Variants in CDC14B observed in about 807,000 individuals in gnomAD.
The protein encoded by CDC14B is dual specificity protein phosphatase CDC14B.
CDC14B carries 22 observed loss-of-function variants against 64.2 expected under a neutral mutation model. The ratio of observed to expected loss-of-function variants is 0.34; its 90% CI spans 0.24 to 0.49. The LOEUF (loss-of-function observed/expected upper bound fraction) is 0.49, where lower values mean the gene tolerates loss of function less well. Among genes scored for constraint, CDC14B ranks in the 20% least tolerant of loss-of-function variants. CDC14B has a pLI of 0.99. For synonymous variants in CDC14B, 191 were observed against 215.8 expected (o/e 0.89, Z 1.01); for missense variants, 498 against 629.9 (o/e 0.79, Z 2.24).
chr9:96,587,505 T>C lies in CDC14B; in HGVS notation c.161-22022A>G, dbSNP rs16911339. Among the ~76,000 whole-genome samples, 1,467 of 152,330 alleles carry C rather than the reference T, an allele frequency of 9.6e-3. 20 individuals are homozygous for C. Among genetic ancestry groups the C allele is most frequent in the African/African-American group, 0.033 (1,377 of 41,570 alleles). On this transcript the variant is annotated intron_variant, in intron 1 of 13. Coordinates refer to ENST00000375241, the MANE Select transcript of CDC14B (RefSeq NM_033331.4). ...CCTTGATCCCAGCACCAGGCATCACTGCACCCCTGGGCAGATACACTTGGC... is the reference window on the plus strand; with the variant it reads ...CCTTGATCCCAGCACCAGGCATCACCGCACCCCTGGGCAGATACACTTGGC...
chr9:96,619,317 C>T lies in CDC14B; in HGVS notation c.62G>A (p.Cys21Tyr), dbSNP rs1462723221. 4 of 1,301,998 alleles carry T rather than the reference C, an allele frequency of 3.1e-6. No individual in the cohort carries two copies. Among genetic ancestry groups the T allele is most frequent in the Admixed American group, 3.2e-5 (1 of 31,186 alleles). 80.7% of individuals were successfully genotyped at this position (1,301,998 alleles called of 1,614,324 possible). A position where few individuals can be genotyped will look rare whatever the true frequency, so the allele number is the denominator to read the frequency against. ...WAAAPPCSRR[C>Y]SSTSPGVKKI... is the part of the protein sequence containing the mutation. ...CTTCACACCCGGCGAGGTCGACGAG[C>T]AGCGCCGCGAGCAGGGGGGCGCGGC... Residue 21 changes from cysteine (C) to tyrosine (Y), a missense_variant, in exon 1 of 14, where the codon TGC becomes TAC. Physicochemically the swap from Cys to Tyr is radical, Grantham distance 194. Transcript: ENST00000375241.
At chr9:96,575,919 A>T (rs765271415) in intron 1 of CDC14B, among the ~76,000 whole-genome samples, 22 of 152,248 alleles carry the variant, frequency 1.4e-4, no homozygotes, top group Non-Finnish European at 2.6e-4. Flanking sequence ...ATGAAAGGAT[A>T]GACAAAGGTA....
chr9:96,550,728 T>C (rs1452167504), intron 5 of CDC14B, among the ~76,000 whole-genome samples: 1 of 152,226 alleles, frequency 6.6e-6, no homozygotes, highest in Non-Finnish European at 1.5e-5. Flanking sequence ...ATTTAAACTA[T>C]AGAGCTAAGT....
At chr9:96,558,448 A>T (rs1048968051) in intron 4 of CDC14B, among the ~76,000 whole-genome samples, 5 of 152,238 alleles carry the variant, frequency 3.3e-5, no homozygotes, top group African/African-American at 9.6e-5. Context: ...AAAAAATTTT[A>T]AAATTGTACT....
chr9:96,548,433 CCAGA>C (rs1841309817), intron 5 of CDC14B, among the ~76,000 whole-genome samples: 3 of 152,012 alleles, frequency 2.0e-5, no homozygotes, highest in Admixed American at 6.6e-5. Flanking sequence ...ATTATGCAGA[CCAGA>C]CACAGAGAAA....
chr9:96,513,598 A>C (rs531979352), intron 12 of CDC14B, among the ~76,000 whole-genome samples: 1 of 152,314 alleles, frequency 6.6e-6, no homozygotes, highest in East Asian at 1.9e-4. Flanking sequence ...GATATAGTGA[A>C]ATCTGCAACC....
chr9:96,519,661 G>A (rs1836353736), intron 12 of CDC14B, among the ~76,000 whole-genome samples: 1 of 150,670 alleles, frequency 6.6e-6, no homozygotes, highest in African/African-American at 2.4e-5. Flanking sequence ...AACCTGGGAG[G>A]CAGAGGTTGC....
chr9:96,574,478 C>T (rs2118114896), intron 1 of CDC14B, among the ~76,000 whole-genome samples: 1 of 151,674 alleles, frequency 6.6e-6, no homozygotes, highest in South Asian at 2.1e-4. Flanking sequence ...AGAAGAAAAG[C>T]TTTAAAAGTT....
downstream of CDC14B, among the ~76,000 whole-genome samples, chr9:96,499,020 G>A (rs1460306376): frequency 3.9e-5 from 6 of 152,166 alleles, no homozygotes; most frequent in Non-Finnish European, 4.4e-5. Flanking sequence ...CCTCCAAGCC[G>A]GCCCCTTTGC....
chr9:96,533,977 A>G lies in CDC14B; in HGVS notation c.896T>C (p.Phe299Ser), dbSNP rs1838904856. Residue 299 changes from phenylalanine to serine, a missense_variant, in exon 9 of 14, where the codon TTC becomes TCC. Physicochemically the swap from Phe to Ser is radical, Grantham distance 155 (BLOSUM62 -2). Coordinates refer to ENST00000375241, the MANE Select transcript of CDC14B (RefSeq NM_033331.4). ...STPTDAIVKE[F>S]LDICENAEGA... ...CTCAGCATTTTCACAGATATCTAGGAATTCTTTGACAATGGCATCAGTAGG... is the reference window on the plus strand; with the variant it reads ...CTCAGCATTTTCACAGATATCTAGGGATTCTTTGACAATGGCATCAGTAGG... 6.2e-7 allele frequency: 1 copy of G among 1,613,176 alleles called. No homozygotes were observed. The highest frequency in any genetic ancestry group is 1.7e-5 in the Admixed American group (1 of 59,906).
intron 1 of CDC14B, among the ~76,000 whole-genome samples, chr9:96,583,805 G>A (rs891116545): frequency 6.6e-6 from 1 of 151,836 alleles, no homozygotes; most frequent in Non-Finnish European, 1.5e-5. Context: ...TGCAAGCTCC[G>A]CCTCCCGGGT....
At chr9:96,524,076 T>C (rs1011529488) in intron 9 of CDC14B, among the ~76,000 whole-genome samples, 1 of 152,198 alleles carries the variant, frequency 6.6e-6, no homozygotes, top group African/African-American at 2.4e-5. Context: ...AGCTGGGATT[T>C]ACAGCCATGT....
At chr9:96,508,837 C>T (rs1276732913) in intron 13 of CDC14B, among the ~76,000 whole-genome samples, 3 of 152,216 alleles carry the variant, frequency 2.0e-5, no homozygotes, top group African/African-American at 7.2e-5. Flanking sequence ...CTCGGATATA[C>T]ATGGCAGGGA....
rs946096696 is a variant in CDC14B at position 96,505,532 on chromosome 9, T to G, written c.1461-1743A>C. 4.6e-5 allele frequency among the ~76,000 whole-genome samples: 7 copies of G among 152,262 alleles called. No individual in the cohort carries two copies. In the East Asian group the frequency reaches 1.4e-3, roughly 29 times the overall value. On this transcript the variant is annotated intron_variant, in intron 13 of 13. Transcript: ENST00000375241. ...GGCTCTCACTCGGGGCATGATGAAA[T>G]TTCCAAGACTGTTCTAAGAGAGCTC...
intron 12 of CDC14B, among the ~76,000 whole-genome samples, chr9:96,511,670 A>G (rs1253952068): frequency 6.6e-6 from 1 of 152,152 alleles, no homozygotes; most frequent in Non-Finnish European, 1.5e-5. Flanking sequence ...CTCATGCAGG[A>G]TTTCTGAGGG....
intron 1 of CDC14B, among the ~76,000 whole-genome samples, chr9:96,604,344 TATTA>T (rs1846713527): frequency 3.9e-5 from 2 of 51,088 alleles, no homozygotes; most frequent in African/African-American, 5.2e-5. Flanking sequence ...AGCTTGCATT[TATTA>T]TTATTATTAT....
intron 4 of CDC14B, among the ~76,000 whole-genome samples, chr9:96,562,313 C>T (rs1478133636): frequency 6.6e-6 from 1 of 151,996 alleles, no homozygotes; most frequent in African/African-American, 2.4e-5. Context: ...GGTCCTGACC[C>T]CAGTAAGATG....
Position 96,515,708 on chromosome 9 carries a change from T to C in CDC14B, c.1344-5919A>G. 6.2e-7 allele frequency: 1 copy of C among 1,604,344 alleles called. No individual in the cohort carries two copies. The highest frequency in any genetic ancestry group is 8.5e-7 in the Non-Finnish European group (1 of 1,175,996). The stretch of plus-strand genomic sequence containing the variant: ...GTGTTCTGAAACCATCGAGACAGAA[T>C]AGCAGGATGGGAAGAATGTAGTCAC... On this transcript the variant is annotated intron_variant, in intron 12 of 13. Transcript: ENST00000375241. The surrounding 1 kb of genome is among the most constrained non-coding windows in gnomAD (Gnocchi z 4.3).
At chr9:96,553,006 C>A (rs1210598791) in intron 4 of CDC14B, among the ~76,000 whole-genome samples, 1 of 152,228 alleles carries the variant, frequency 6.6e-6, no homozygotes, top group East Asian at 1.9e-4. Flanking sequence ...CCTGTTTCCA[C>A]AACCAAATGT....
Sources: allele counts gnomAD v4.1 joint callset (sites outside exome capture counted in the v4.1 genomes callset), GRCh38; gene constraint gnomAD v4.1.1; non-coding constraint Gnocchi (gnomAD v3.1); transcripts MANE v1.5; gene names NCBI Gene and HGNC (gene_info 2026-07-23, HGNC 2026-07-21).